SLC35C1: variants seen among roughly 807,000 people sequenced by gnomAD.
SLC35C1 encodes the protein solute carrier family 35 member C1.
SLC35C1 carries 8 observed loss-of-function variants against 23.2 expected under a neutral mutation model. That is an observed-to-expected ratio of 0.35 (90% CI 0.20 to 0.62). SLC35C1 has a LOEUF of 0.62. SLC35C1 is among the 20% of genes least tolerant of loss of function. SLC35C1 has a pLI of 0.75. For synonymous variants in SLC35C1, 226 were observed against 225.1 expected, an observed-to-expected ratio of 1.00 and a Z score of -0.04; for missense variants, 422 against 478.6, an observed-to-expected ratio of 0.88 and a Z score of 1.10.
chr11:45,811,797 G>C lies in SLC35C1; in HGVS notation c.*462G>C, dbSNP rs137953810. 1.9e-5 allele frequency: 3 copies of C among 156,542 alleles called. No homozygotes were observed. Among genetic ancestry groups the C allele is most frequent in the African/African-American group, 7.2e-5 (3 of 41,518 alleles). 9.7% of individuals were successfully genotyped at this position (156,542 alleles called of 1,614,324 possible). ...GAGAGGGTTGGGAAGCCTTCCGTCT[G>C]CGGTGGGCAGGCAGCCTCACCCTGG... On this transcript the variant is annotated 3_prime_UTR_variant, in exon 2 of 2. Transcript: ENST00000314134.
At chr11:45,810,516 T>G in intron 1 of SLC35C1, 1 of 985,456 alleles carries the variant, frequency 1.0e-6, no homozygotes, top group Non-Finnish European at 1.2e-6. Context: ...TGGGAAGATT[T>G]GTTTTAATGT....
In SLC35C1 at chr11:45,810,837, C is replaced by T. The variant is rs376082724; in HGVS notation, c.597C>T (p.Thr199=). The T allele has an allele frequency of 7.9e-5, 127 of 1,612,286 alleles. No homozygotes were observed. The highest frequency in any genetic ancestry group is 9.8e-5 in the Non-Finnish European group (116 of 1,180,004). ...GAEGTLSWLG[T]VFGVLASLCV... is the part of the protein sequence containing the mutation. ...AAGGCACCCTGTCGTGGCTGGGCACCGTCTTCGGCGTGCTGGCTAGCCTCT... is the reference window on the plus strand; with the variant it reads ...AAGGCACCCTGTCGTGGCTGGGCACTGTCTTCGGCGTGCTGGCTAGCCTCT... The change falls in exon 2 of 2, where the codon ACC becomes ACT. Residue 199 remains threonine (T), a synonymous_variant. Transcript: ENST00000314134.
At chr11:45,806,376 G>T in intron 1 of SLC35C1, 40 bp downstream of exon 1, 1 of 1,605,176 alleles carries the variant, frequency 6.2e-7, no homozygotes, top group Non-Finnish European at 8.5e-7. Context: ...GAGTGGTCAT[G>T]GGGACTGAAG....
chr11:45,811,475 G>C lies in SLC35C1; in HGVS notation c.*140G>C. The C allele has an allele frequency of 1.6e-6, 1 of 628,524 alleles. No homozygotes were observed. The highest frequency in any genetic ancestry group is 2.8e-5 in the South Asian group (1 of 35,932). 38.9% of individuals were successfully genotyped at this position (628,524 alleles called of 1,614,324 possible). On this transcript the variant is annotated 3_prime_UTR_variant, in exon 2 of 2. Coordinates refer to ENST00000314134, the MANE Select transcript of SLC35C1 (RefSeq NM_018389.5). ...CTACTTATAGACCCAATCAGAATAC[G>C]GTGGTTGAGAAGGAACCAGTGTTTA...
intron 1 of SLC35C1, chr11:45,809,889 A>T: frequency 1.0e-6 from 1 of 985,452 alleles, no homozygotes; most frequent in Non-Finnish European, 1.2e-6. Context: ...CAGAGCAGGC[A>T]AGGGGCTTTG....
rs2085952686 is a variant in SLC35C1, at chr11:45,811,893, T to A, written c.*558T>A. The stretch of plus-strand genomic sequence containing the variant: ...AGGGAGGAAATGAGCGAGTTCCCTC[T>A]GACACCAGCAGATCCCCAGGGGCTG... On this transcript the variant is annotated 3_prime_UTR_variant, in exon 2 of 2. Transcript: ENST00000314134. 2 of 154,154 alleles carry A rather than the reference T, an allele frequency of 1.3e-5. No individual in the cohort carries two copies. Among genetic ancestry groups the A allele is most frequent in the African/African-American group, 4.8e-5 (2 of 41,448 alleles). The allele number at this position is 154,154 out of a possible 1,614,324, so 9.5% of individuals were successfully genotyped here.
chr11:45,804,662 T>C (rs1018240692), upstream of SLC35C1: 1 of 984,774 alleles, frequency 1.0e-6, no homozygotes, highest in African/African-American at 1.8e-5. Context: ...GTCTCGGGCT[T>C]GGGAGAGGGC....
intron 1 of SLC35C1, chr11:45,809,937 T>G (rs371077080): frequency 1.0e-6 from 1 of 985,238 alleles, no homozygotes; most frequent in African/African-American, 1.7e-5. Flanking sequence ...GTTCTGGGAT[T>G]ATCAGGAAAG....
chr11:45,810,459 T>G (rs758964496), intron 1 of SLC35C1: 92 of 985,278 alleles, frequency 9.3e-5, no homozygotes, highest in Non-Finnish European at 9.6e-5. Flanking sequence ...CTTGTACTAC[T>G]TTATGGACCT....
Position 45,812,710 on chromosome 11 carries a change from G to T in SLC35C1, c.*1375G>T. On this transcript the variant is annotated 3_prime_UTR_variant, in exon 2 of 2. Coordinates refer to ENST00000314134, the MANE Select transcript of SLC35C1 (RefSeq NM_018389.5). ...CTCCTAATACTGTCACCTTGGGGGT[G>T]AGAATTCCAATGTGAATTTGCAGGG... is the stretch of plus-strand genomic sequence containing the variant. 1 of 451,514 alleles carries T rather than the reference G, an allele frequency of 2.2e-6. No homozygotes were observed. The highest frequency in any genetic ancestry group is 2.4e-5 in the Admixed American group (1 of 41,976). 28.0% of individuals were successfully genotyped at this position (451,514 alleles called of 1,614,324 possible).
In SLC35C1 at chr11:45,811,420, C is replaced by A. The variant is rs982744589; in HGVS notation, c.*85C>A. The stretch of plus-strand genomic sequence containing the variant: ...AGTAGTGAAGGCGGTCTCCTGGACC[C>A]CAGAAGCGTGCTGTGGTGTGGACTG... On this transcript the variant is annotated 3_prime_UTR_variant, in exon 2 of 2. Coordinates refer to ENST00000314134, the MANE Select transcript of SLC35C1 (RefSeq NM_018389.5). 2.0e-5 allele frequency: 24 copies of A among 1,181,744 alleles called. No homozygotes were observed. Among genetic ancestry groups the A allele is most frequent in the Non-Finnish European group, 2.6e-5 (23 of 869,694 alleles). The allele number at this position is 1,181,744 out of a possible 1,614,324, so 73.2% of individuals were successfully genotyped here.
intron 1 of SLC35C1, chr11:45,810,233 A>G: frequency 2.0e-6 from 2 of 985,446 alleles, no homozygotes; most frequent in Non-Finnish European, 1.2e-6. Context: ...CCCAAATGAC[A>G]CAAGAGATTC....
In SLC35C1 at chr11:45,812,814, C is replaced by T. The variant is rs1179586909; in HGVS notation, c.*1479C>T. On this transcript the variant is annotated 3_prime_UTR_variant, in exon 2 of 2. Transcript: ENST00000314134. ...CCTGCGCTCAGGGTGGCTTGCAGTCCCTGGCCCTTCTGGTGGGCATTTGGT... is the reference window on the plus strand; with the variant it reads ...CCTGCGCTCAGGGTGGCTTGCAGTCTCTGGCCCTTCTGGTGGGCATTTGGT... 7 of 369,112 alleles carry T rather than the reference C, an allele frequency of 1.9e-5. No individual in the cohort carries two copies. Among genetic ancestry groups the T allele is most frequent in the Non-Finnish European group, 3.8e-5 (7 of 185,896 alleles). 22.9% of individuals were successfully genotyped at this position (369,112 alleles called of 1,614,324 possible).
chr11:45,809,857 C>G, intron 1 of SLC35C1: 1 of 985,422 alleles, frequency 1.0e-6, no homozygotes, highest in Non-Finnish European at 1.2e-6. Flanking sequence ...AGACTGTCAC[C>G]ATGGGCAGGG....
In SLC35C1 at chr11:45,810,661, G is replaced by A. The variant is rs553644074; in HGVS notation, c.536-115G>A. On this transcript the variant is annotated intron_variant, in intron 1 of 1. Coordinates refer to ENST00000314134, the MANE Select transcript of SLC35C1 (RefSeq NM_018389.5). ...ATTGGAGGGAGGCCTGGGGAGGAAC[G>A]GGGAGGGCCGCAATACTCAGTCTGT... The A allele has an allele frequency of 3.8e-5, 56 of 1,464,664 alleles. No individual in the cohort carries two copies. The African/African-American group carries it at 4.8e-4, about 12-fold the overall frequency. 90.7% of individuals were successfully genotyped at this position (1,464,664 alleles called of 1,614,324 possible). A position where few individuals can be genotyped will look rare whatever the true frequency, so the allele number is the denominator to read the frequency against.
rs187013469 is a variant in SLC35C1 at position 45,812,462 on chromosome 11, G to A, written c.*1127G>A. ...CGGGTGGCTTACAAACAACAGAAACGTATTGCTCACAGTCCTGGGGGGCTG... is the reference window on the plus strand; with the variant it reads ...CGGGTGGCTTACAAACAACAGAAACATATTGCTCACAGTCCTGGGGGGCTG... On this transcript the variant is annotated 3_prime_UTR_variant, in exon 2 of 2. Coordinates refer to ENST00000314134, the MANE Select transcript of SLC35C1 (RefSeq NM_018389.5). 79 of 440,470 alleles carry A rather than the reference G, an allele frequency of 1.8e-4. No homozygotes were observed. In the East Asian group the frequency reaches 2.2e-3, roughly 12 times the overall value. The allele number at this position is 440,470 out of a possible 1,614,324, so 27.3% of individuals were successfully genotyped here.
rs778502313 is a variant in SLC35C1, at chr11:45,811,239, C to G, written c.999C>G (p.Gly333=). 4 of 1,602,908 alleles carry G rather than the reference C, an allele frequency of 2.5e-6. No homozygotes were observed. In the East Asian group the frequency reaches 6.7e-5, roughly 27 times the overall value. The change falls in exon 2 of 2, where the codon GGC becomes GGG. Residue 333 remains glycine (G), a synonymous_variant. Coordinates refer to ENST00000314134, the MANE Select transcript of SLC35C1 (RefSeq NM_018389.5). ...CGAGCAACATGATGGTGCTGGGCGG[C>G]TCCTCCGCCTACACCTGGGTCAGGG... is the stretch of plus-strand genomic sequence containing the variant. ...WWTSNMMVLG[G]SSAYTWVRGW... is the part of the protein sequence containing the mutation.
At chr11:45,808,159 A>G (rs1422884397) in intron 1 of SLC35C1, among the ~76,000 whole-genome samples, 1 of 151,916 alleles carries the variant, frequency 6.6e-6, no homozygotes, top group African/African-American at 2.4e-5. Context: ...TCAGGCAACT[A>G]TTCTAGGCCT....
intron 1 of SLC35C1, chr11:45,807,083 C>T (rs546670281): frequency 2.3e-4 from 42 of 184,898 alleles, no homozygotes; most frequent in Admixed American, 1.2e-3. Context: ...TCACTACCAG[C>T]GGTCATCTCT....
Sources: gnomAD v4.1 joint callset for allele counts (sites outside exome capture counted in the v4.1 genomes callset) on GRCh38, gnomAD v4.1.1 for gene constraint, MANE v1.5 for transcripts, NCBI Gene and HGNC (gene_info 2026-07-23, HGNC 2026-07-21) for gene names.